Variants in TG observed in about 807,000 individuals in gnomAD.
TG encodes thyroglobulin.
In TG, 270 loss-of-function variants were observed where a neutral mutation model predicts 324.7. The ratio of observed to expected loss-of-function variants is 0.83; its 90% confidence interval spans 0.75 to 0.92. The LOEUF is 0.92. Ranked by LOEUF, TG falls within the 40% of genes least tolerant of loss-of-function variation. TG has a pLI of 0.00. For synonymous variants in TG, 1,401 were observed against 1,327.0 expected (o/e 1.06, Z -1.21); for missense variants, 3,591 against 3,456.4 (o/e 1.04, Z -0.98).
chr8:133,049,261 A>ATTTTTCAAGGAAGGCACAT, intron 41 of TG: 1 of 414,750 alleles, frequency 2.4e-6, no homozygotes, highest in Non-Finnish European at 4.9e-6. Flanking sequence ...TATCTTACCC[A>ATTTTTCAAGGAAGGCACAT]TTTTTCAAGG....
chr8:132,934,497 G>T (rs1041321591), intron 24 of TG, among the ~76,000 whole-genome samples: 3 of 152,172 alleles, frequency 2.0e-5, no homozygotes, highest in African/African-American at 7.2e-5. Flanking sequence ...CTCCTCCAGT[G>T]GAAAGCAGGA....
chr8:132,949,020 A>C, intron 27 of TG, 77 bp downstream of exon 27: 2 of 1,396,806 alleles, frequency 1.4e-6, no homozygotes, highest in Admixed American at 3.4e-5. Context: ...CTTTCTTATG[A>C]GCCCTCCTTG....
At position 133,011,884 on chromosome 8, in the gene TG, G is replaced by A. The variant is rs377435325; in HGVS notation, c.6263-17G>A. Reference sequence around the variant, plus strand: ...AGGTGACAACTGCATGTGACTGTCCGTTGCCTTCTCTCCTAGTGTCTCTGG... The same window carrying A: ...AGGTGACAACTGCATGTGACTGTCCATTGCCTTCTCTCCTAGTGTCTCTGG... On this transcript the variant is annotated splice_polypyrimidine_tract_variant and intron_variant, in intron 35 of 47. Transcript: ENST00000220616. 57 of 1,613,978 alleles carry A rather than the reference G, an allele frequency of 3.5e-5. 1 individual carries two copies. The South Asian group carries it at 3.7e-4, about 11-fold the overall frequency.
chr8:132,939,098 G>T (rs1310074211), intron 25 of TG, among the ~76,000 whole-genome samples: 1 of 150,872 alleles, frequency 6.6e-6, no homozygotes, highest in African/African-American at 2.4e-5. Flanking sequence ...TCTCAGGATA[G>T]GTGCCCTATG....
At chr8:133,122,317 G>A (rs1339650347) in intron 45 of TG, among the ~76,000 whole-genome samples, 1 of 152,188 alleles carries the variant, frequency 6.6e-6, no homozygotes, top group Non-Finnish European at 1.5e-5. Context: ...GTGAGAAGAA[G>A]GTTCTAGTTT....
intron 27 of TG, among the ~76,000 whole-genome samples, chr8:132,957,414 C>T (rs1827049704): frequency 2.0e-5 from 3 of 152,176 alleles, no homozygotes; most frequent in Non-Finnish European, 4.4e-5. Flanking sequence ...CAGTTCAGTA[C>T]ATTCTGGGCC....
Position 133,021,974 on chromosome 8 carries a change from T to A in TG, c.6877-17T>A, listed in dbSNP as rs1455398279. On this transcript the variant is annotated splice_polypyrimidine_tract_variant and intron_variant, in intron 39 of 47. Coordinates refer to ENST00000220616, the MANE Select transcript of TG (RefSeq NM_003235.5). ...CCCTCCCCACACTTTAGCCTCATGTTTCTCCAATACCCACAGGCCCCTAAC... is the reference window on the plus strand; with the variant it reads ...CCCTCCCCACACTTTAGCCTCATGTATCTCCAATACCCACAGGCCCCTAAC... The A allele has an allele frequency of 6.2e-7, 1 of 1,614,036 alleles. No homozygotes were observed. The highest frequency in any genetic ancestry group is 2.2e-5 in the East Asian group (1 of 44,890).
intron 14 of TG, among the ~76,000 whole-genome samples, chr8:132,899,881 C>T (rs1817666746): frequency 6.6e-6 from 1 of 152,156 alleles, no homozygotes; most frequent in Admixed American, 6.5e-5. Context: ...GAGGCTGGTC[C>T]AGGAGCATGG....
chr8:132,999,215 A>C (rs760882984), intron 35 of TG, among the ~76,000 whole-genome samples: 29 of 152,160 alleles, frequency 1.9e-4, no homozygotes, highest in Non-Finnish European at 3.1e-4. Context: ...AGAGTGAGAA[A>C]GGCCAAGATG....
At position 132,887,246 on chromosome 8, in the gene TG, G is replaced by A; in HGVS notation, c.1874G>A (p.Ser625Asn). The stretch of plus-strand genomic sequence containing the variant: ...GTCCCATCATGCACGACAGAAGGAA[G>A]CTATGAGGATGTCCAATGCTTTTCC... ...LFVPSCTTEGSYEDVQCFSGE... is the reference protein window; with the variant it reads ...LFVPSCTTEGNYEDVQCFSGE... The change falls in exon 9 of 48, where the codon AGC becomes AAC. Residue 625 changes from serine (S) to asparagine (N), a missense_variant. Physicochemically the swap from Ser to Asn is conservative, Grantham distance 46. Coordinates refer to ENST00000220616, the MANE Select transcript of TG (RefSeq NM_003235.5). The A allele has an allele frequency of 8.1e-6, 13 of 1,604,656 alleles. No homozygotes were observed. Among genetic ancestry groups the A allele is most frequent in the Non-Finnish European group, 1.1e-5 (13 of 1,174,384 alleles).
chr8:132,873,565 G>A (rs1195302208), intron 5 of TG, among the ~76,000 whole-genome samples: 1 of 152,148 alleles, frequency 6.6e-6, no homozygotes, highest in Non-Finnish European at 1.5e-5. Flanking sequence ...GAATAAATGT[G>A]AATCTGCCAT....
intron 35 of TG, among the ~76,000 whole-genome samples, chr8:132,998,010 G>A (rs1050754393): frequency 6.6e-6 from 1 of 152,100 alleles, no homozygotes; most frequent in Non-Finnish European, 1.5e-5. Flanking sequence ...TGTCGGTGTC[G>A]AGGGACACAC....
At chr8:133,115,834 T>G (rs1214428692) in intron 44 of TG, among the ~76,000 whole-genome samples, 1 of 152,250 alleles carries the variant, frequency 6.6e-6, no homozygotes, top group Non-Finnish European at 1.5e-5. Flanking sequence ...GGCCCCACTC[T>G]TGTAAGCTGC....
At chr8:133,071,730 G>A (rs973462115) in intron 41 of TG, among the ~76,000 whole-genome samples, 13 of 152,216 alleles carry the variant, frequency 8.5e-5, no homozygotes, top group African/African-American at 2.6e-4. Flanking sequence ...AAATGAAACC[G>A]ACTGCACTGA....
chr8:133,106,334 C>T (rs948205030), intron 43 of TG: 1 of 911,876 alleles, frequency 1.1e-6, no homozygotes. Flanking sequence ...CGGCTCCTTA[C>T]TGAGGCTCTG....
At chr8:133,049,050 G>A (rs1839956282) in intron 41 of TG, 1 of 409,130 alleles carries the variant, frequency 2.4e-6, no homozygotes, top group Non-Finnish European at 5.0e-6. Context: ...CTTGACAGAT[G>A]AGGATAATGT....
intron 26 of TG, among the ~76,000 whole-genome samples, chr8:132,945,510 A>G (rs1229856574): frequency 6.6e-6 from 1 of 152,170 alleles, no homozygotes; most frequent in Non-Finnish European, 1.5e-5. Context: ...CATCCAAAAA[A>G]TGTCAGCTGA....
chr8:133,016,851 C>T lies in TG; in HGVS notation c.6563-927C>T, dbSNP rs540866220. Among the ~76,000 whole-genome samples the T allele has an allele frequency of 3.3e-5, 5 of 152,268 alleles. 1 individual carries two copies. Among genetic ancestry groups the T allele is most frequent in the Admixed American group, 1.3e-4 (2 of 15,290 alleles). On this transcript the variant is annotated intron_variant, in intron 37 of 47. Coordinates refer to ENST00000220616, the MANE Select transcript of TG (RefSeq NM_003235.5). The stretch of plus-strand genomic sequence containing the variant: ...ATCAATGAATGAAAGAAAATGTCGT[C>T]GAGGAAACAAGATAGGGCTACAGAG...
At chr8:133,057,826 C>A (rs1262932530) in intron 41 of TG, among the ~76,000 whole-genome samples, 1 of 151,416 alleles carries the variant, frequency 6.6e-6, no homozygotes, top group Non-Finnish European at 1.5e-5. Context: ...CCAAGGCATT[C>A]ACTGTCCTGG....
Sources: allele counts gnomAD v4.1 joint callset (sites outside exome capture counted in the v4.1 genomes callset), GRCh38; gene constraint gnomAD v4.1.1; transcripts MANE v1.5; gene names NCBI Gene and HGNC (gene_info 2026-07-23, HGNC 2026-07-21).